The following PDE1C variants were observed in gnomAD, a reference collection of about 807,000 sequenced individuals.
PDE1C encodes the protein phosphodiesterase 1C.
In PDE1C, 62 loss-of-function variants were observed where a neutral mutation model predicts 93.1. The ratio of observed to expected loss-of-function variants is 0.67; its 90% CI spans 0.54 to 0.82. The LOEUF (loss-of-function observed/expected upper bound fraction) is 0.82. Ranked by LOEUF, PDE1C falls within the 40% of genes least tolerant of loss-of-function variation. The pLI is 0.00. For synonymous variants in PDE1C, 325 were observed against 310.1 expected, an observed-to-expected ratio of 1.05 and a Z score of -0.50; for missense variants, 742 against 884.6, an observed-to-expected ratio of 0.84 and a Z score of 2.04.
intron 3 of PDE1C, among the ~76,000 whole-genome samples, chr7:32,142,312 A>T (rs1345124686): frequency 6.6e-6 from 1 of 152,204 alleles, no homozygotes; most frequent in African/African-American, 2.4e-5. Flanking sequence ...AGCAAAGAAT[A>T]ACATCGCAAT....
chr7:32,126,663 T>C (rs1045291276), intron 3 of PDE1C, among the ~76,000 whole-genome samples: 1 of 152,066 alleles, frequency 6.6e-6, no homozygotes, highest in South Asian at 2.1e-4. Flanking sequence ...CTATTTGTCA[T>C]CCCCAATATC....
chr7:31,809,147 G>C (rs930961626), intron 15 of PDE1C, 39 bp from the exon 16 acceptor site: 3 of 1,102,310 alleles, frequency 2.7e-6, no homozygotes, highest in African/African-American at 3.1e-5. Flanking sequence ...TATGTATGCA[G>C]CTGAGGGGGT....
chr7:32,120,353 C>T (rs1345208778), intron 3 of PDE1C, among the ~76,000 whole-genome samples: 1 of 152,140 alleles, frequency 6.6e-6, no homozygotes, highest in African/African-American at 2.4e-5. Flanking sequence ...AAGTGGGTTT[C>T]CCCCCAGGCA....
In PDE1C at chr7:32,056,320, TTCTCTCTCTCTCTC is replaced by T. The variant is rs10648394; in HGVS notation, c.102-4754_102-4741del. The stretch of plus-strand genomic sequence containing the variant: ...TCTGTTCCCTGGAATGGGTCCACCG[TTCTCTCTCTCTCTC>T]TCTCTCTCTCTCTCTCTCTCTCTCT... On this transcript the variant is annotated intron_variant, in intron 1 of 17. Coordinates refer to ENST00000396191, the MANE Select transcript of PDE1C (RefSeq NM_001191057.4). Among the ~76,000 whole-genome samples, 356 of 111,116 alleles carry T rather than the reference TTCTCTCTCTCTCTC, an allele frequency of 3.2e-3. 3 individuals are homozygous for T. The highest frequency in any genetic ancestry group is 0.012 in the South Asian group (33 of 2,830). 72.9% of individuals were successfully genotyped at this position (111,116 alleles called of 152,430 possible).
chr7:32,037,439 G>C (rs371225875), intron 2 of PDE1C, among the ~76,000 whole-genome samples: 28 of 152,248 alleles, frequency 1.8e-4, no homozygotes, highest in East Asian at 1.2e-3. Context: ...ACTCAAGCCA[G>C]AGCAGGGACT....
chr7:31,900,680 T>C (rs1799865979), intron 2 of PDE1C, among the ~76,000 whole-genome samples: 1 of 151,884 alleles, frequency 6.6e-6, no homozygotes, highest in African/African-American at 2.4e-5. Context: ...TATTCATATA[T>C]TGCAGCTATA....
At chr7:31,885,631 G>T (rs192187382) in intron 2 of PDE1C, among the ~76,000 whole-genome samples, 1 of 152,202 alleles carries the variant, frequency 6.6e-6, no homozygotes, top group African/African-American at 2.4e-5. Context: ...TGGAAGAGGG[G>T]AACTATGTGA....
chr7:32,224,635 CAT>C (rs59929907), intron 1 of PDE1C, among the ~76,000 whole-genome samples: 2,929 of 152,244 alleles, frequency 0.019, 108 homozygotes, highest in African/African-American at 0.067. Flanking sequence ...ATTAAAGAAA[CAT>C]GTGTAGAGAC....
chr7:31,880,385 T>C (rs1056603915), intron 3 of PDE1C, among the ~76,000 whole-genome samples: 14 of 152,194 alleles, frequency 9.2e-5, no homozygotes, highest in Admixed American at 5.2e-4. Context: ...CATTATGAAT[T>C]AAAACATAAA....
At chr7:31,730,244 GAC>G in the PDE1C span, among the ~76,000 whole-genome samples, 1 of 152,056 alleles carries the variant, frequency 6.6e-6, no homozygotes, top group African/African-American at 2.4e-5. Context: ...ACACAGCACA[GAC>G]ACACACACTC....
At chr7:31,793,561 C>T (rs1220461009) in intron 16 of PDE1C, among the ~76,000 whole-genome samples, 1 of 151,768 alleles carries the variant, frequency 6.6e-6, no homozygotes, top group Non-Finnish European at 1.5e-5. Flanking sequence ...CAGCACACAC[C>T]TGACAAGTTA....
At chr7:32,133,682 T>TA (rs1289446231) in intron 3 of PDE1C, among the ~76,000 whole-genome samples, 2 of 151,956 alleles carry the variant, frequency 1.3e-5, no homozygotes, top group Admixed American at 6.6e-5. Context: ...GCCAGCTAAA[T>TA]AAAAAAACAT....
At chr7:31,726,939 G>A in the PDE1C span, among the ~76,000 whole-genome samples, 2 of 152,174 alleles carry the variant, frequency 1.3e-5, no homozygotes, top group African/African-American at 4.8e-5. Flanking sequence ...GGAGGCCTGA[G>A]GCAGGAGAAT....
At chr7:32,314,751 C>T (rs1317955753) in intron 1 of PDE1C, among the ~76,000 whole-genome samples, 1 of 151,958 alleles carries the variant, frequency 6.6e-6, no homozygotes, top group Non-Finnish European at 1.5e-5. Flanking sequence ...ACCAAGAACG[C>T]TGAAACCAGA....
intron 2 of PDE1C, among the ~76,000 whole-genome samples, chr7:31,933,941 T>C (rs998467336): frequency 3.9e-5 from 6 of 152,220 alleles, no homozygotes; most frequent in Non-Finnish European, 5.9e-5. Context: ...TTTTTCTTTA[T>C]AGCAATGTGA....
chr7:31,952,172 T>C (rs1807458492), intron 2 of PDE1C, among the ~76,000 whole-genome samples: 1 of 152,128 alleles, frequency 6.6e-6, no homozygotes, highest in Non-Finnish European at 1.5e-5. Context: ...AAGTTTTATC[T>C]AATAGTCTAT....
At chr7:31,760,987 C>T (rs1233008664) in intron 17 of PDE1C, among the ~76,000 whole-genome samples, 1 of 152,158 alleles carries the variant, frequency 6.6e-6, no homozygotes, top group African/African-American at 2.4e-5. Flanking sequence ...GGAATGTTAA[C>T]GTGAGCCCCA....
chr7:31,819,544 G>GT (rs1215038923), intron 14 of PDE1C, among the ~76,000 whole-genome samples: 2 of 152,030 alleles, frequency 1.3e-5, no homozygotes, highest in African/African-American at 4.8e-5. Context: ...GTTCATTTCT[G>GT]TTTCCTTTGG....
At chr7:31,968,002 A>G (rs774908091) in intron 2 of PDE1C, among the ~76,000 whole-genome samples, 4 of 152,232 alleles carry the variant, frequency 2.6e-5, no homozygotes, top group Non-Finnish European at 5.9e-5. Flanking sequence ...AGCCAATATC[A>G]TACTGAATGG....
Sources: gnomAD v4.1 joint callset for allele counts (sites outside exome capture counted in the v4.1 genomes callset) on GRCh38, gnomAD v4.1.1 for gene constraint, MANE v1.5 for transcripts, NCBI Gene and HGNC (gene_info 2026-07-23, HGNC 2026-07-21) for gene names.